Variants in FAM25C observed in about 807,000 individuals in gnomAD.
The protein encoded by FAM25C is family with sequence similarity 25 member C.
A neutral mutation model predicts 9.6 loss-of-function variants in FAM25C; 4 were observed. The ratio of observed to expected loss-of-function variants is 0.42; its 90% CI spans 0.20 to 0.95. The LOEUF (loss-of-function observed/expected upper bound fraction) is 0.95. Ranked by LOEUF, FAM25C falls within the 40% of genes least tolerant of loss-of-function variation. FAM25C has a pLI of 0.31. For missense variants in FAM25C, 38 were observed against 110.4 expected (o/e 0.34, Z 2.94); for synonymous variants, 23 against 44.1 (o/e 0.52, Z 1.89).
chr10:47,995,738 C>T (rs1474812711), intron 2 of FAM25C, among the ~76,000 whole-genome samples: 2 of 149,452 alleles, frequency 1.3e-5, no homozygotes, highest in Non-Finnish European at 3.0e-5. Context: ...CTCATGGGTA[C>T]ATTGCCTGCT....
chr10:47,997,271 G>A (rs1842815073), intron 2 of FAM25C, among the ~76,000 whole-genome samples: 1 of 148,108 alleles, frequency 6.8e-6, no homozygotes, highest in East Asian at 2.0e-4. Context: ...ACCATGCCCG[G>A]CTAATTTTTA....
intron 2 of FAM25C, among the ~76,000 whole-genome samples, chr10:47,997,310 C>T (rs1413368239): frequency 3.0e-4 from 45 of 148,736 alleles, no homozygotes; most frequent in African/African-American, 1.1e-3. Context: ...GGGGTTTCAC[C>T]GTGTTAGCCA....
At chr10:47,997,579 G>A in intron 2 of FAM25C, 98 bp downstream of exon 2, 1 of 761,470 alleles carries the variant, frequency 1.3e-6, no homozygotes, top group Non-Finnish European at 2.2e-6. Flanking sequence ...CAACATTAGG[G>A]GCAGAGTTTG....
chr10:47,995,329 G>T lies in FAM25C; in HGVS notation c.*49C>A, dbSNP rs1212050352. The T allele has an allele frequency of 2.3e-6, 3 of 1,328,592 alleles. No homozygotes were observed. In the Admixed American group the frequency reaches 6.3e-5, roughly 28 times the overall value. The allele number at this position is 1,328,592 out of a possible 1,614,324, so 82.3% of individuals were successfully genotyped here. A position where few individuals can be genotyped will look rare whatever the true frequency, so the allele number is the denominator to read the frequency against. On this transcript the variant is annotated 3_prime_UTR_variant, in exon 3 of 3. Coordinates refer to ENST00000617224, the MANE Select transcript of FAM25C (RefSeq NM_001137548.3). ...TAAATCCAGCGCTCAATGTACACAT[G>T]TCATGGCTTTTTATTGAGACTGGGG...
At chr10:47,998,263 C>T (rs1296796786) in intron 1 of FAM25C, among the ~76,000 whole-genome samples, 2 of 150,506 alleles carry the variant, frequency 1.3e-5, no homozygotes, top group African/African-American at 4.9e-5. Flanking sequence ...CAAAGCAATT[C>T]CTCCAACAAA....
At position 47,995,471 on chromosome 10, in the gene FAM25C, G is replaced by A. The variant is rs1555256355; in HGVS notation, c.177C>T (p.Asp59=). The A allele has an allele frequency of 3.9e-6, 6 of 1,533,096 alleles. No individual in the cohort carries two copies. The highest frequency in any genetic ancestry group is 5.2e-6 in the Non-Finnish European group (6 of 1,145,532). The allele number at this position is 1,533,096 out of a possible 1,614,324, so 95.0% of individuals were successfully genotyped here. ...EAIKKAQESG[D]KKMKEITETV... is the part of the protein sequence containing the mutation. ...TCTCGGTGATTTCCTTCATCTTTTT[G>A]TCCCCTGACTCCTGGGCTTTCTTTA... Residue 59 remains aspartate, a synonymous_variant, in exon 3 of 3, where the codon GAC becomes GAT. Transcript: ENST00000617224.
intron 1 of FAM25C, among the ~76,000 whole-genome samples, chr10:47,998,081 C>T (rs1291926402): frequency 4.6e-5 from 7 of 151,398 alleles, no homozygotes; most frequent in African/African-American, 1.5e-4. Flanking sequence ...GGGCATGGGT[C>T]CCTGAAGCCC....
At chr10:47,997,642 TC>T (rs1457140637) in intron 2 of FAM25C, 34 bp downstream of exon 2, 1 of 1,304,686 alleles carries the variant, frequency 7.7e-7, no homozygotes, top group Non-Finnish European at 1.1e-6. Flanking sequence ...CCTTCCTCCC[TC>T]CCTCCTTCCC....
rs1555256371 is a variant in FAM25C, at chr10:47,995,535, T to C, written c.137-24A>G. ...GGCTGTTGGAAAGAAAGAGGAAGAA[T>C]GTCCTAGTGATCCACCTGCTGAACT... On this transcript the variant is annotated intron_variant, in intron 2 of 2. Coordinates refer to ENST00000617224, the MANE Select transcript of FAM25C (RefSeq NM_001137548.3). 9.1e-6 allele frequency: 14 copies of C among 1,534,446 alleles called. No homozygotes were observed. In the Admixed American group the frequency reaches 2.6e-4, roughly 28 times the overall value.
In FAM25C at chr10:47,997,794, G is replaced by A. The variant is rs1842824707; in HGVS notation, c.74-55C>T. The A allele has an allele frequency of 1.0e-5, 16 of 1,532,420 alleles. 1 individual carries two copies. Among genetic ancestry groups the A allele is most frequent in the Non-Finnish European group, 1.4e-5 (16 of 1,136,382 alleles). The allele number at this position is 1,532,420 out of a possible 1,614,324, so 94.9% of individuals were successfully genotyped here. A position where few individuals can be genotyped will look rare whatever the true frequency, so the allele number is the denominator to read the frequency against. On this transcript the variant is annotated intron_variant, in intron 1 of 2. Coordinates refer to ENST00000617224, the MANE Select transcript of FAM25C (RefSeq NM_001137548.3). The stretch of plus-strand genomic sequence containing the variant: ...GGCTCAGAGCAGGCCGGCTGCCCCT[G>A]AGTCCAGGGTGAGGGTTCAGAGCAG...
intron 1 of FAM25C, among the ~76,000 whole-genome samples, chr10:47,998,404 T>C (rs1489917146): frequency 3.2e-4 from 44 of 137,008 alleles, no homozygotes; most frequent in Middle Eastern, 3.8e-3. Context: ...CCCTCATCTT[T>C]AGAATGGGAA....
intron 2 of FAM25C, among the ~76,000 whole-genome samples, chr10:47,997,123 T>G (rs1842812185): frequency 6.9e-6 from 1 of 145,362 alleles, no homozygotes; most frequent in South Asian, 2.3e-4. Context: ...CCAGCAATTT[T>G]TTTGAGACCG....
intron 2 of FAM25C, 75 bp from the exon 3 acceptor site, chr10:47,995,586 A>T (rs1555256389): frequency 7.1e-7 from 1 of 1,403,200 alleles, no homozygotes; most frequent in Non-Finnish European, 9.5e-7. Context: ...GGCCTGTGGG[A>T]TGTGGCCATC....
chr10:47,996,320 GGTTT>G lies in FAM25C; in HGVS notation c.137-813_137-810del, dbSNP rs546443283. On this transcript the variant is annotated intron_variant, in intron 2 of 2. Coordinates refer to ENST00000617224, the MANE Select transcript of FAM25C (RefSeq NM_001137548.3). The stretch of plus-strand genomic sequence containing the variant: ...GTTGTTTCTAAGTCACCCAGTTTAT[GGTTT>G]GTTTTTGTTTTTGAGACAGAGTCTT... Among the ~76,000 whole-genome samples, 414 of 127,564 alleles carry G rather than the reference GGTTT, an allele frequency of 3.2e-3. 2 individuals are homozygous for G. The East Asian group carries it at 0.077, about 24-fold the overall frequency. The allele number at this position is 127,564 out of a possible 152,430, so 83.7% of individuals were successfully genotyped here. A position where few individuals can be genotyped will look rare whatever the true frequency, so the allele number is the denominator to read the frequency against.
intron 2 of FAM25C, 26 bp from the exon 3 acceptor site, chr10:47,995,537 T>C (rs199886909): frequency 5.2e-6 from 8 of 1,534,384 alleles, no homozygotes; most frequent in Non-Finnish European, 7.0e-6. Context: ...AGGAAGAATG[T>C]CCTAGTGATC....
chr10:47,997,311 G>A lies in FAM25C; in HGVS notation c.136+366C>T, dbSNP rs1180273817. Among the ~76,000 whole-genome samples the A allele has an allele frequency of 5.5e-4, 79 of 143,964 alleles. 3 individuals carry two copies. The highest frequency in any genetic ancestry group is 1.7e-3 in the African/African-American group (64 of 38,668). The allele number at this position is 143,964 out of a possible 152,430, so 94.4% of individuals were successfully genotyped here. ...TTTTTAGTAGAGACGGGGTTTCACC[G>A]TGTTAGCCAGGATGGTCTCGATCTC... On this transcript the variant is annotated intron_variant, in intron 2 of 2. Coordinates refer to ENST00000617224, the MANE Select transcript of FAM25C (RefSeq NM_001137548.3).
At chr10:47,998,266 C>T (rs1374396225) in intron 1 of FAM25C, among the ~76,000 whole-genome samples, 1 of 150,358 alleles carries the variant, frequency 6.7e-6, no homozygotes. Flanking sequence ...AGCAATTCCT[C>T]CAACAAAACG....
At chr10:47,997,187 C>T (rs1347800355) in intron 2 of FAM25C, among the ~76,000 whole-genome samples, 5 of 148,338 alleles carry the variant, frequency 3.4e-5, no homozygotes, top group Non-Finnish European at 7.5e-5. Flanking sequence ...AGGCTCACTG[C>T]AAGCTCTGCC....
At chr10:47,998,030 G>A (rs1360895036) in intron 1 of FAM25C, among the ~76,000 whole-genome samples, 1 of 151,062 alleles carries the variant, frequency 6.6e-6, no homozygotes, top group Non-Finnish European at 1.5e-5. Flanking sequence ...GGAGACGCCA[G>A]GGCCTTGGCT....
Sources: allele counts gnomAD v4.1 joint callset (sites outside exome capture counted in the v4.1 genomes callset), GRCh38; gene constraint gnomAD v4.1.1; transcripts MANE v1.5; gene names NCBI Gene and HGNC (gene_info 2026-07-23, HGNC 2026-07-21).